The following NR1H4 variants were observed in gnomAD, a reference collection of about 807,000 sequenced individuals.
NR1H4 encodes the protein bile acid receptor.
In NR1H4, 23 loss-of-function variants were observed where a neutral mutation model predicts 58.5. The ratio of observed to expected loss-of-function variants is 0.39; its 90% CI spans 0.28 to 0.56. NR1H4 has a LOEUF of 0.56. Ranked by LOEUF, NR1H4 falls within the 20% of genes least tolerant of loss-of-function variation. The probability of loss-of-function intolerance (pLI) is 0.58; values close to 1 mark genes in which losing one functional copy is unlikely to be tolerated. For missense variants in NR1H4, 487 were observed against 576.9 expected (o/e 0.84, Z 1.60); for synonymous variants, 214 against 198.0 (o/e 1.08, Z -0.68).
intron 9 of NR1H4, among the ~76,000 whole-genome samples, chr12:100,550,895 G>A (rs1955189369): frequency 6.6e-6 from 1 of 152,116 alleles, no homozygotes; most frequent in Admixed American, 6.6e-5. Flanking sequence ...TATCCTGTTA[G>A]TGCTGCTCCC....
intron 9 of NR1H4, among the ~76,000 whole-genome samples, chr12:100,543,846 T>G (rs565963132): frequency 1.3e-5 from 2 of 152,178 alleles, no homozygotes; most frequent in Non-Finnish European, 2.9e-5. Context: ...GAACATACAC[T>G]GGTGGTTCTC....
intron 8 of NR1H4, among the ~76,000 whole-genome samples, chr12:100,540,347 A>G (rs1954906488): frequency 6.6e-6 from 1 of 152,188 alleles, no homozygotes. Context: ...ACCCTGTCAC[A>G]TCAGGTGTGA....
intron 3 of NR1H4, among the ~76,000 whole-genome samples, chr12:100,501,690 T>C (rs948143152): frequency 1.7e-4 from 26 of 152,214 alleles, no homozygotes; most frequent in Admixed American, 3.3e-4. Flanking sequence ...GTCTTAGCAA[T>C]GATTATTCCA....
intron 4 of NR1H4, among the ~76,000 whole-genome samples, chr12:100,513,693 T>G (rs1954183277): frequency 6.6e-6 from 1 of 151,198 alleles, no homozygotes; most frequent in Non-Finnish European, 1.5e-5. Context: ...TACTTGGGAG[T>G]CTGAGACAGG....
At chr12:100,553,148 G>T (rs913204873) in intron 9 of NR1H4, among the ~76,000 whole-genome samples, 16 of 152,114 alleles carry the variant, frequency 1.1e-4, no homozygotes, top group African/African-American at 3.9e-4. Context: ...ACAGGCGCGT[G>T]CCACCACACC....
chr12:100,564,270 A>G lies in NR1H4; in HGVS notation c.*781A>G, dbSNP rs1377814639. The G allele has an allele frequency of 6.6e-6, 1 of 152,208 alleles. No individual in the cohort carries two copies. Among genetic ancestry groups the G allele is most frequent in the Non-Finnish European group, 1.5e-5 (1 of 68,040 alleles). 9.4% of individuals were successfully genotyped at this position (152,208 alleles called of 1,614,324 possible). A position where few individuals can be genotyped will look rare whatever the true frequency, so the allele number is the denominator to read the frequency against. On this transcript the variant is annotated 3_prime_UTR_variant, in exon 11 of 11. Transcript: ENST00000392986. ...ATCTTTCTGTTTTGTTTTGCTTTTG[A>G]AAACATTCCTACAGCTGGGAGCACA...
intron 1 of NR1H4, among the ~76,000 whole-genome samples, chr12:100,480,372 A>G (rs867006983): frequency 3.3e-5 from 5 of 152,234 alleles, no homozygotes; most frequent in Admixed American, 6.5e-5. Context: ...TTAAAGAGTA[A>G]GTACCTTATC....
intron 3 of NR1H4, among the ~76,000 whole-genome samples, chr12:100,494,024 G>A (rs916489596): frequency 6.6e-6 from 1 of 152,076 alleles, no homozygotes; most frequent in Non-Finnish European, 1.5e-5. Flanking sequence ...TTTAACCAAG[G>A]CAATATTTTG....
At chr12:100,542,605 T>C (rs1281193879) in intron 9 of NR1H4, among the ~76,000 whole-genome samples, 1 of 152,226 alleles carries the variant, frequency 6.6e-6, no homozygotes, top group Non-Finnish European at 1.5e-5. Flanking sequence ...CTTCTCAGGA[T>C]GTTTTCTTTC....
intron 4 of NR1H4, among the ~76,000 whole-genome samples, chr12:100,513,703 G>C (rs1344985455): frequency 1.3e-5 from 2 of 152,096 alleles, no homozygotes; most frequent in African/African-American, 4.8e-5. Context: ...TCTGAGACAG[G>C]AGAATTCCTC....
In NR1H4 at chr12:100,536,949, T is replaced by C; in HGVS notation, c.833T>C (p.Leu278Ser). The change falls in exon 8 of 11, where the codon TTA becomes TCA. Residue 278 changes from leucine to serine, a missense_variant and splice_region_variant. Physicochemically the swap from Leu to Ser is moderately radical, Grantham distance 145. Transcript: ENST00000392986. ...ATTGGTTTTTTTCTTAAAATTTAGTTAAAAGAAGAATTCAGTGCAGAAGAA... is the reference window on the plus strand; with the variant it reads ...ATTGGTTTTTTTCTTAAAATTTAGTCAAAAGAAGAATTCAGTGCAGAAGAA... ...RMPQEITNKI[L>S]KEEFSAEENF... The C allele has an allele frequency of 6.5e-7, 1 of 1,541,928 alleles. No individual in the cohort carries two copies. Among genetic ancestry groups the C allele is most frequent in the Non-Finnish European group, 8.8e-7 (1 of 1,130,152 alleles).
intron 9 of NR1H4, among the ~76,000 whole-genome samples, chr12:100,559,914 T>G (rs533789409): frequency 3.3e-5 from 5 of 152,194 alleles, no homozygotes; most frequent in Non-Finnish European, 5.9e-5. Context: ...ATCAGCACCC[T>G]GTGTCTAGCT....
chr12:100,505,640 A>T (rs1257829954), intron 3 of NR1H4: 1 of 701,246 alleles, frequency 1.4e-6, no homozygotes, highest in Non-Finnish European at 2.6e-6. Flanking sequence ...CTAAACTTCC[A>T]TGGAGAACCG....
rs375296324 is a variant in NR1H4, at chr12:100,561,322, C to T, written c.1079-563C>T. On this transcript the variant is annotated intron_variant, in intron 9 of 10. Transcript: ENST00000392986. ...CTGAGGCAGGAGAATGGCGGGAACC[C>T]GGGAGGCGGAGCTTGCTGTAAGCCG... 8.5e-5 allele frequency among the ~76,000 whole-genome samples: 13 copies of T among 152,166 alleles called. 1 individual carries two copies. The East Asian group carries it at 1.9e-3, about 23-fold the overall frequency.
rs191812206 is a variant in NR1H4 at position 100,492,490 on chromosome 12, A to T, written c.-189-13A>T. On this transcript the variant is annotated splice_polypyrimidine_tract_variant and intron_variant, in intron 1 of 10. Transcript: ENST00000392986. ...CACTTTTCATTATTTAACCTTTCAAATTACTTCTTTAGGGAGGTAGAAGAC... is the reference window on the plus strand; with the variant it reads ...CACTTTTCATTATTTAACCTTTCAATTTACTTCTTTAGGGAGGTAGAAGAC... 7.9e-5 allele frequency: 12 copies of T among 152,332 alleles called. No individual in the cohort carries two copies. The East Asian group carries it at 2.3e-3, about 29-fold the overall frequency. 9.4% of individuals were successfully genotyped at this position (152,332 alleles called of 1,614,324 possible).
At chr12:100,520,837 G>C (rs911922976) in intron 4 of NR1H4, among the ~76,000 whole-genome samples, 1 of 152,212 alleles carries the variant, frequency 6.6e-6, no homozygotes, top group Non-Finnish European at 1.5e-5. Context: ...GCAAGGTTAT[G>C]TTCTACTTTC....
At chr12:100,551,577 G>A (rs1388728676) in intron 9 of NR1H4, among the ~76,000 whole-genome samples, 1 of 152,186 alleles carries the variant, frequency 6.6e-6, no homozygotes, top group Non-Finnish European at 1.5e-5. Context: ...GGCAAATTTA[G>A]GACTCAAATT....
rs766099441 is a variant in NR1H4 at position 100,546,177 on chromosome 12, G to A, written c.1078+5359G>A. Among the ~76,000 whole-genome samples, 5 of 152,182 alleles carry A rather than the reference G, an allele frequency of 3.3e-5. 1 individual carries two copies. The highest frequency in any genetic ancestry group is 7.3e-5 in the Non-Finnish European group (5 of 68,028). ...CCTACTGTGGGCTGTCTTTAAGGGT[G>A]ATCTGAGTGGGTCATCTCCATGGCT... On this transcript the variant is annotated intron_variant, in intron 9 of 10. Transcript: ENST00000392986.
At chr12:100,480,910 A>G (rs1953365919) in intron 1 of NR1H4, among the ~76,000 whole-genome samples, 1 of 152,186 alleles carries the variant, frequency 6.6e-6, no homozygotes. Flanking sequence ...GTCAGCTGGG[A>G]TAGTTGGAAG....
Sources: gnomAD v4.1 joint callset for allele counts (sites outside exome capture counted in the v4.1 genomes callset) on GRCh38, gnomAD v4.1.1 for gene constraint, MANE v1.5 for transcripts, NCBI Gene and HGNC (gene_info 2026-07-23, HGNC 2026-07-21) for gene names.